The following APBB1IP variants were observed in gnomAD, a reference collection of about 807,000 sequenced individuals.
APBB1IP encodes the protein amyloid beta precursor protein binding family B member 1 interacting protein.
In APBB1IP, 27 loss-of-function variants were observed where a neutral mutation model predicts 64.9. The ratio of observed to expected loss-of-function variants is 0.42; its 90% CI spans 0.31 to 0.57. The LOEUF (loss-of-function observed/expected upper bound fraction) is 0.57. Ranked by LOEUF, APBB1IP falls within the 20% of genes least tolerant of loss-of-function variation. The pLI is 0.20. For missense variants in APBB1IP, 812 were observed against 845.5 expected, an observed-to-expected ratio of 0.96 and a Z score of 0.49; for synonymous variants, 392 against 331.0, an observed-to-expected ratio of 1.18 and a Z score of -2.00.
chr10:26,440,353 A>G (rs1835326796), intron 2 of APBB1IP, among the ~76,000 whole-genome samples: 1 of 152,228 alleles, frequency 6.6e-6, no homozygotes, highest in Non-Finnish European at 1.5e-5. Flanking sequence ...AATACTGGCA[A>G]CATTATATCA....
chr10:26,541,851 T>C (rs1304226599), intron 11 of APBB1IP, 159 bp downstream of exon 11: 8 of 534,176 alleles, frequency 1.5e-5, no homozygotes, highest in Non-Finnish European at 2.5e-5. Flanking sequence ...ATTTGGGACA[T>C]TTTCCCCAAA....
At chr10:26,499,782 C>G (rs997298217) in intron 4 of APBB1IP, among the ~76,000 whole-genome samples, 2 of 152,214 alleles carry the variant, frequency 1.3e-5, no homozygotes, top group Non-Finnish European at 2.9e-5. Context: ...CTCCCTCTCA[C>G]TCTGAAAATT....
chr10:26,507,658 A>G (rs113784703), intron 6 of APBB1IP, among the ~76,000 whole-genome samples: 46 of 152,356 alleles, frequency 3.0e-4, no homozygotes, highest in African/African-American at 1.1e-3. Flanking sequence ...TGAGTCATTG[A>G]CTTTACCTCT....
At chr10:26,522,505 C>T (rs1836415713) in intron 8 of APBB1IP, among the ~76,000 whole-genome samples, 1 of 151,920 alleles carries the variant, frequency 6.6e-6, no homozygotes, top group African/African-American at 2.4e-5. Flanking sequence ...TCATTTTCTC[C>T]ACAAAGATTT....
At chr10:26,535,844 A>C (rs1311798351) in intron 9 of APBB1IP, among the ~76,000 whole-genome samples, 1 of 152,184 alleles carries the variant, frequency 6.6e-6, no homozygotes, top group Non-Finnish European at 1.5e-5. Context: ...TCACAGAGTT[A>C]AGTGGTGAAG....
intron 2 of APBB1IP, among the ~76,000 whole-genome samples, chr10:26,463,177 C>T (rs1181725671): frequency 6.6e-6 from 1 of 152,168 alleles, no homozygotes; most frequent in Non-Finnish European, 1.5e-5. Context: ...GTGGCTCACA[C>T]CTGAAATCTC....
intron 8 of APBB1IP, among the ~76,000 whole-genome samples, chr10:26,526,687 C>A (rs573116215): frequency 3.2e-3 from 489 of 152,090 alleles, no homozygotes; most frequent in South Asian, 7.7e-3. Context: ...CCATTGCACT[C>A]CAGCCTGGGC....
At chr10:26,491,539 A>C (rs959727684) in intron 2 of APBB1IP, among the ~76,000 whole-genome samples, 1 of 152,184 alleles carries the variant, frequency 6.6e-6, no homozygotes, top group Non-Finnish European at 1.5e-5. Context: ...CTTCTTGGGC[A>C]ATTGCTTCAT....
At chr10:26,559,624 T>C (rs1425985712) in intron 11 of APBB1IP, among the ~76,000 whole-genome samples, 1 of 117,894 alleles carries the variant, frequency 8.5e-6, no homozygotes, top group Non-Finnish European at 1.8e-5. Context: ...CTTTCTTTCT[T>C]TTTTTTTTTT....
chr10:26,539,097 A>T (rs535011762), intron 10 of APBB1IP, among the ~76,000 whole-genome samples: 1 of 152,226 alleles, frequency 6.6e-6, no homozygotes, highest in East Asian at 1.9e-4. Flanking sequence ...TTAGAGAAAA[A>T]TAGTATAAAA....
At chr10:26,477,843 G>A (rs922779597) in intron 2 of APBB1IP, among the ~76,000 whole-genome samples, 5 of 152,088 alleles carry the variant, frequency 3.3e-5, no homozygotes, top group African/African-American at 7.2e-5. Context: ...TGATCCTCCC[G>A]CCTCAGCCTC....
intron 2 of APBB1IP, among the ~76,000 whole-genome samples, chr10:26,445,241 A>C (rs1835384175): frequency 6.6e-6 from 1 of 152,198 alleles, no homozygotes; most frequent in South Asian, 2.1e-4. Flanking sequence ...CCTTTAATTA[A>C]ACTTTCAAAA....
intron 9 of APBB1IP, among the ~76,000 whole-genome samples, chr10:26,534,616 A>G (rs1836597048): frequency 6.6e-6 from 1 of 152,140 alleles, no homozygotes; most frequent in Non-Finnish European, 1.5e-5. Flanking sequence ...GGCCTTGCGC[A>G]TGTCTTTTCC....
Position 26,566,954 on chromosome 10 carries a change from G to C in APBB1IP, c.1474-7G>C. On this transcript the variant is annotated splice_region_variant and splice_polypyrimidine_tract_variant and intron_variant, in intron 14 of 14. Coordinates refer to ENST00000376236, the MANE Select transcript of APBB1IP (RefSeq NM_019043.4). ...AAAAAATGAATGCTACTGCCACTCG[G>C]TTGCAGGATAAGAAGCCAGCCCTCG... 2 of 1,568,360 alleles carry C rather than the reference G, an allele frequency of 1.3e-6. No individual in the cohort carries two copies. Among genetic ancestry groups the C allele is most frequent in the African/African-American group, 1.4e-5 (1 of 71,780 alleles).
chr10:26,563,353 A>T (rs1030664801), intron 14 of APBB1IP, among the ~76,000 whole-genome samples: 2 of 151,996 alleles, frequency 1.3e-5, no homozygotes, highest in Non-Finnish European at 2.9e-5. Context: ...ACCCTGTCTT[A>T]AAAAAAAGAA....
chr10:26,478,036 A>C (rs556997248), intron 2 of APBB1IP, among the ~76,000 whole-genome samples: 48 of 152,244 alleles, frequency 3.2e-4, no homozygotes, highest in Non-Finnish European at 6.8e-4. Flanking sequence ...AACAGTGAAC[A>C]AAAACAGTCA....
intron 11 of APBB1IP, among the ~76,000 whole-genome samples, chr10:26,542,930 G>A (rs1836714273): frequency 6.7e-6 from 1 of 148,958 alleles, no homozygotes. Flanking sequence ...ATTTTTGATT[G>A]TCATAGCTTG....
chr10:26,481,825 ACG>A lies in APBB1IP; in HGVS notation c.1-10501_1-10500del, dbSNP rs1491295491. 2.0e-4 allele frequency among the ~76,000 whole-genome samples: 22 copies of A among 111,758 alleles called. No homozygotes were observed. The East Asian group carries it at 5.3e-3, about 27-fold the overall frequency. The allele number at this position is 111,758 out of a possible 152,430, so 73.3% of individuals were successfully genotyped here. On this transcript the variant is annotated intron_variant, in intron 2 of 14. Transcript: ENST00000376236. ...TTAAAATGTGGTAGCCCATCTCATTACGTGTGTGTGTGTGTGTGTGTGTGTGT... is the reference window on the plus strand; with the variant it reads ...TTAAAATGTGGTAGCCCATCTCATTATGTGTGTGTGTGTGTGTGTGTGTGT...
chr10:26,510,141 T>C (rs1380867429), intron 6 of APBB1IP, among the ~76,000 whole-genome samples: 1 of 152,164 alleles, frequency 6.6e-6, no homozygotes, highest in African/African-American at 2.4e-5. Context: ...GGCTAACTTC[T>C]GTATTTTTAG....
Sources: gnomAD v4.1 joint callset for allele counts (sites outside exome capture counted in the v4.1 genomes callset) on GRCh38, gnomAD v4.1.1 for gene constraint, MANE v1.5 for transcripts, NCBI Gene and HGNC (gene_info 2026-07-23, HGNC 2026-07-21) for gene names.